TLK2: variants seen among roughly 807,000 people sequenced by gnomAD.
The protein encoded by TLK2 is serine/threonine-protein kinase tousled-like 2.
A neutral mutation model predicts 117.3 loss-of-function variants in TLK2; 6 were observed. The observed-to-expected ratio is 0.05, with a 90% CI of 0.03 to 0.10. The LOEUF (loss-of-function observed/expected upper bound fraction) is 0.10, where lower values mean the gene tolerates loss of function less well. TLK2 is among the 10% of genes least tolerant of loss of function. The pLI, the probability that TLK2 is intolerant of heterozygous loss-of-function variation, is 1.00. For synonymous variants in TLK2, 257 were observed against 316.7 expected (o/e 0.81, Z 2.00); for missense variants, 299 against 901.2 (o/e 0.33, Z 8.56).
chr17:62,539,282 C>T lies in TLK2; in HGVS notation c.531+2945C>T, dbSNP rs1356070223. On this transcript the variant is annotated intron_variant, in intron 7 of 21. Coordinates refer to ENST00000346027, the MANE Select transcript of TLK2 (RefSeq NM_006852.6). The stretch of plus-strand genomic sequence containing the variant: ...CCAGTATTTCAGAGGATATGACCTT[C>T]GCATCAGACCTCATCTGACGTAATT... Among the ~76,000 whole-genome samples, 5 of 152,228 alleles carry T rather than the reference C, an allele frequency of 3.3e-5. No individual in the cohort carries two copies. The South Asian group carries it at 8.3e-4, about 25-fold the overall frequency.
At chr17:62,577,668 T>C (rs2146713259) in intron 13 of TLK2, among the ~76,000 whole-genome samples, 1 of 152,342 alleles carries the variant, frequency 6.6e-6, no homozygotes. Context: ...TTTACTAAAC[T>C]GCTTTTGGTA....
At chr17:62,500,362 C>T (rs993895546) in intron 2 of TLK2, among the ~76,000 whole-genome samples, 2 of 151,822 alleles carry the variant, frequency 1.3e-5, no homozygotes, top group African/African-American at 2.4e-5. Flanking sequence ...CAAAGGAGAC[C>T]TCAGAACAAG....
intron 2 of TLK2, among the ~76,000 whole-genome samples, chr17:62,508,167 A>C (rs2923237): frequency 2.8e-5 from 2 of 71,326 alleles, no homozygotes; most frequent in African/African-American, 8.7e-5. Context: ...AAAATTTCCT[A>C]GTTTTTTTTT....
At chr17:62,547,746 AT>A (rs1303458772) in intron 7 of TLK2, among the ~76,000 whole-genome samples, 2 of 152,198 alleles carry the variant, frequency 1.3e-5, no homozygotes, top group Non-Finnish European at 2.9e-5. Flanking sequence ...CCCATATACC[AT>A]ATATCAAGAA....
chr17:62,551,428 A>G (rs1598528066), intron 7 of TLK2, among the ~76,000 whole-genome samples: 1 of 152,010 alleles, frequency 6.6e-6, no homozygotes, highest in East Asian at 1.9e-4. Context: ...CTGTTAGGCT[A>G]GGTGTGGTGG....
chr17:62,552,723 C>T (rs1012998566), intron 8 of TLK2, among the ~76,000 whole-genome samples: 3 of 151,264 alleles, frequency 2.0e-5, no homozygotes, highest in African/African-American at 7.3e-5. Flanking sequence ...CTTTGAAGGC[C>T]TCTAAGTTCA....
intron 17 of TLK2, among the ~76,000 whole-genome samples, chr17:62,600,080 A>G (rs1237037242): frequency 1.3e-5 from 2 of 152,230 alleles, no homozygotes; most frequent in Admixed American, 1.3e-4. Context: ...CCAAGCTGTC[A>G]GAAGACGTAG....
chr17:62,476,928 A>C (rs2071064253), upstream of TLK2, among the ~76,000 whole-genome samples: 1 of 906 alleles, frequency 1.1e-3, no homozygotes, highest in Admixed American at 0.056. Context: ...CCAAAAAAGA[A>C]AAAAAAAAAA....
chr17:62,526,987 C>A lies in TLK2; in HGVS notation c.363+2656C>A, dbSNP rs557456350. ...TGTGACCTAAAAGCTCCTGCGTGAT[C>A]TGTGCTTCCCATCGTCCACCTGATT... On this transcript the variant is annotated intron_variant, in intron 6 of 21. Coordinates refer to ENST00000346027, the MANE Select transcript of TLK2 (RefSeq NM_006852.6). 5.3e-5 allele frequency among the ~76,000 whole-genome samples: 8 copies of A among 152,318 alleles called. No homozygotes were observed. In the East Asian group the frequency reaches 1.3e-3, roughly 26 times the overall value.
chr17:62,603,630 T>A (rs961531339), intron 19 of TLK2, among the ~76,000 whole-genome samples: 1 of 152,184 alleles, frequency 6.6e-6, no homozygotes, highest in African/African-American at 2.4e-5. Flanking sequence ...AATTATGTGA[T>A]GCTAGGGATT....
At chr17:62,606,501 A>C (rs2083311647) in intron 20 of TLK2, among the ~76,000 whole-genome samples, 1 of 152,186 alleles carries the variant, frequency 6.6e-6, no homozygotes, top group Non-Finnish European at 1.5e-5. Flanking sequence ...TTAGATCTGG[A>C]ACATGTATTT....
intron 2 of TLK2, among the ~76,000 whole-genome samples, chr17:62,507,605 C>T (rs2074810058): frequency 6.6e-6 from 1 of 152,116 alleles, no homozygotes; most frequent in African/African-American, 2.4e-5. Flanking sequence ...TGTTCTCAGT[C>T]CCTTTTAAGC....
intron 2 of TLK2, among the ~76,000 whole-genome samples, chr17:62,517,466 C>T (rs1360561646): frequency 6.6e-6 from 1 of 152,118 alleles, no homozygotes; most frequent in Non-Finnish European, 1.5e-5. Context: ...GCGATCTCAG[C>T]TCACTGCAAG....
chr17:62,604,862 C>G (rs2083155797), intron 19 of TLK2, among the ~76,000 whole-genome samples: 2 of 150,894 alleles, frequency 1.3e-5, no homozygotes, highest in Non-Finnish European at 2.9e-5. Flanking sequence ...GAGCGAGACT[C>G]TGTCTCAAAA....
rs187660577 is a variant in TLK2, at chr17:62,529,780, C to T, written c.363+5449C>T. Among the ~76,000 whole-genome samples, 202 of 151,952 alleles carry T rather than the reference C, an allele frequency of 1.3e-3. 1 individual carries two copies. The East Asian group carries it at 0.035, about 27-fold the overall frequency. ...TTAATGTGTTTTTTATTTATCTTGC[C>T]TGTTCTGTGTTCCTTTTTCTTTAAT... On this transcript the variant is annotated intron_variant, in intron 6 of 21. Coordinates refer to ENST00000346027, the MANE Select transcript of TLK2 (RefSeq NM_006852.6).
intron 16 of TLK2, among the ~76,000 whole-genome samples, chr17:62,588,949 C>G (rs983068984): frequency 5.3e-5 from 8 of 152,176 alleles, no homozygotes; most frequent in African/African-American, 7.2e-5. Flanking sequence ...TGCTATAACC[C>G]TGCTAGTAAG....
chr17:62,584,986 C>T (rs2081505306), intron 15 of TLK2, among the ~76,000 whole-genome samples: 1 of 152,158 alleles, frequency 6.6e-6, no homozygotes, highest in Admixed American at 6.5e-5. Flanking sequence ...CTAAGAAAAA[C>T]TATTCTAAAG....
At chr17:62,529,093 C>A (rs1285090177) in intron 6 of TLK2, among the ~76,000 whole-genome samples, 1 of 152,112 alleles carries the variant, frequency 6.6e-6, no homozygotes, top group Non-Finnish European at 1.5e-5. Context: ...TTTGGCTGTT[C>A]TATCAATTAT....
chr17:62,584,549 C>G (rs903530072), intron 15 of TLK2, among the ~76,000 whole-genome samples: 1 of 152,140 alleles, frequency 6.6e-6, no homozygotes, highest in African/African-American at 2.4e-5. Context: ...GGCATGGCCT[C>G]TACTGCCTCT....
Sources: gnomAD v4.1 joint callset for allele counts (sites outside exome capture counted in the v4.1 genomes callset) on GRCh38, gnomAD v4.1.1 for gene constraint, MANE v1.5 for transcripts, NCBI Gene and HGNC (gene_info 2026-07-23, HGNC 2026-07-21) for gene names.